Variants in CELF2 observed in about 807,000 individuals in gnomAD.
CELF2 encodes CUGBP Elav-like family member 2.
In CELF2, 8 loss-of-function variants were observed where a neutral mutation model predicts 62.6. The ratio of observed to expected loss-of-function variants is 0.13; its 90% CI spans 0.07 to 0.23. CELF2 has a LOEUF of 0.23. Ranked by LOEUF, CELF2 falls within the 10% of genes least tolerant of loss-of-function variation. CELF2 has a pLI of 1.00. For missense variants in CELF2, 333 were observed against 671.0 expected (o/e 0.50, Z 5.56); for synonymous variants, 258 against 250.0 (o/e 1.03, Z -0.30).
At chr10:10,498,296 A>G in the CELF2 span, among the ~76,000 whole-genome samples, 1 of 152,226 alleles carries the variant, frequency 6.6e-6, no homozygotes, top group Non-Finnish European at 1.5e-5. Flanking sequence ...GCAGACTCAC[A>G]GTAAGGAGAA....
At position 10,931,086 on chromosome 10, in the gene CELF2, A is replaced by T. The variant is rs2066010116; in HGVS notation, c.89+11087A>T. 6.6e-6 allele frequency among the ~76,000 whole-genome samples: 1 copy of T among 152,236 alleles called. No individual in the cohort carries two copies. The highest frequency in any genetic ancestry group is 1.5e-5 in the Non-Finnish European group (1 of 68,036). ...AATTTATTCCCATGTATACATAGAT[A>T]GTTTTAAACCCTGTAAACCTTTCTT... is the stretch of plus-strand genomic sequence containing the variant. On this transcript the variant is annotated intron_variant, in intron 2 of 13. Coordinates refer to the CELF2 transcript ENST00000636488. The surrounding 1 kb of genome is among the most constrained non-coding windows in gnomAD (Gnocchi z 6.1).
the CELF2 span, among the ~76,000 whole-genome samples, chr10:10,583,015 C>A: frequency 6.6e-6 from 1 of 152,054 alleles, no homozygotes; most frequent in Non-Finnish European, 1.5e-5. Flanking sequence ...AGATAATGAA[C>A]AATTTCAAGA....
At chr10:10,668,920 TA>T in the CELF2 span, among the ~76,000 whole-genome samples, 1 of 152,132 alleles carries the variant, frequency 6.6e-6, no homozygotes, top group East Asian at 1.9e-4. Flanking sequence ...ATCATGCCAC[TA>T]CACTCCAGCC....
chr10:10,793,062 C>T, the CELF2 span, among the ~76,000 whole-genome samples: 3 of 152,296 alleles, frequency 2.0e-5, no homozygotes, highest in East Asian at 5.8e-4. Context: ...CATACGTGGA[C>T]CCCAAATAAT....
chr10:10,469,497 A>C, the CELF2 span, among the ~76,000 whole-genome samples: 1 of 151,860 alleles, frequency 6.6e-6, no homozygotes, highest in Non-Finnish European at 1.5e-5. Flanking sequence ...GTTTGCTGAG[A>C]GTTTTCGTAA....
At chr10:10,557,284 A>C in the CELF2 span, among the ~76,000 whole-genome samples, 1,170 of 150,412 alleles carry the variant, frequency 7.8e-3, 14 homozygotes, top group African/African-American at 0.028. Context: ...CATTTATTAA[A>C]TAGGGAATCC....
chr10:10,888,869 A>G (rs1045733318), intron 1 of CELF2, among the ~76,000 whole-genome samples: 5 of 152,188 alleles, frequency 3.3e-5, no homozygotes, highest in Non-Finnish European at 7.3e-5. Context: ...ATTTAAATAT[A>G]ACATGGTCTG....
the CELF2 span, among the ~76,000 whole-genome samples, chr10:10,477,627 A>T: frequency 6.6e-6 from 1 of 152,170 alleles, no homozygotes; most frequent in Admixed American, 6.6e-5. Context: ...GCCCCTAAAA[A>T]GTAAATAGGA....
the CELF2 span, among the ~76,000 whole-genome samples, chr10:10,599,965 T>G: frequency 6.6e-6 from 1 of 152,088 alleles, no homozygotes; most frequent in Admixed American, 6.5e-5. Flanking sequence ...TCTCCTGACC[T>G]CCTGATCCAC....
At chr10:10,911,576 T>A (rs1024673557) in intron 1 of CELF2, among the ~76,000 whole-genome samples, 1 of 152,184 alleles carries the variant, frequency 6.6e-6, no homozygotes. Flanking sequence ...TTCCTGAGTA[T>A]TGACTAAGGG....
intron 1 of CELF2, among the ~76,000 whole-genome samples, chr10:11,065,178 A>G (rs1320744471): frequency 6.6e-6 from 1 of 152,180 alleles, no homozygotes; most frequent in East Asian, 1.9e-4. Context: ...AGAGGTGGTC[A>G]GTGTATCTTG....
chr10:11,042,177 C>T (rs190115693), intron 1 of CELF2, among the ~76,000 whole-genome samples: 3 of 152,190 alleles, frequency 2.0e-5, no homozygotes, highest in South Asian at 2.1e-4. Flanking sequence ...AAGAAACTTA[C>T]ATTTATCTCC....
intron 1 of CELF2, among the ~76,000 whole-genome samples, chr10:11,150,475 C>T (rs1021354425): frequency 1.5e-4 from 23 of 152,136 alleles, no homozygotes; most frequent in Non-Finnish European, 4.4e-5. Context: ...TGTTTGATTG[C>T]CCTTATATAA....
At chr10:10,968,934 T>C (rs2050452863) in intron 2 of CELF2, among the ~76,000 whole-genome samples, 1 of 152,184 alleles carries the variant, frequency 6.6e-6, no homozygotes, top group South Asian at 2.1e-4. Flanking sequence ...ATAACAGGCC[T>C]TTTTTTCTTG....
chr10:10,562,067 A>G, the CELF2 span, among the ~76,000 whole-genome samples: 4 of 152,194 alleles, frequency 2.6e-5, no homozygotes, highest in Non-Finnish European at 4.4e-5. Context: ...AAGGTGACCA[A>G]TCAACACTGC....
At chr10:11,103,487 A>ATGTTTTTTTTTTTTTTTTTTTT (rs2052424886) in intron 1 of CELF2, among the ~76,000 whole-genome samples, 1 of 119,754 alleles carries the variant, frequency 8.4e-6, no homozygotes, top group African/African-American at 3.5e-5. Context: ...TTGTAGCCTG[A>ATGTTTTTTTTTTTTTTTTTTTT]TTTTTTTTTT....
intron 4 of CELF2, among the ~76,000 whole-genome samples, chr10:11,251,270 A>ATTTTTTTT (rs66615560): frequency 6.3e-5 from 4 of 63,298 alleles, no homozygotes; most frequent in Admixed American, 2.7e-4. Context: ...ACACAAAGGG[A>ATTTTTTTT]TTTTTTTTTT....
intron 1 of CELF2, among the ~76,000 whole-genome samples, chr10:10,834,631 G>A (rs2058129826): frequency 6.6e-6 from 1 of 152,186 alleles, no homozygotes; most frequent in Non-Finnish European, 1.5e-5. Context: ...GGGATGGCTA[G>A]TAGGGACCAT....
chr10:10,706,799 T>TAG, the CELF2 span, among the ~76,000 whole-genome samples: 1 of 152,200 alleles, frequency 6.6e-6, no homozygotes, highest in Non-Finnish European at 1.5e-5. Context: ...TTTCTTTGCC[T>TAG]AGATTTTACA....
Sources: allele counts gnomAD v4.1 joint callset (sites outside exome capture counted in the v4.1 genomes callset), GRCh38; gene constraint gnomAD v4.1.1; non-coding constraint Gnocchi (gnomAD v3.1); transcripts MANE v1.5; gene names NCBI Gene and HGNC (gene_info 2026-07-23, HGNC 2026-07-21).